FREM1: variants seen among roughly 807,000 people sequenced by gnomAD.
The protein encoded by FREM1 is FRAS1-related extracellular matrix protein 1.
A neutral mutation model predicts 210.1 loss-of-function variants in FREM1; 220 were observed. The observed-to-expected ratio is 1.05, with a 90% CI of 0.94 to 1.17. The LOEUF (loss-of-function observed/expected upper bound fraction) is 1.17. Ranked by LOEUF, FREM1 falls within the 50% of genes most tolerant of loss-of-function variation. The probability of loss-of-function intolerance (pLI) is 0.00; values close to 1 mark genes in which losing one functional copy is unlikely to be tolerated. For missense variants in FREM1, 3,454 were observed against 2,675.5 expected, an observed-to-expected ratio of 1.29 and a Z score of -6.42; for synonymous variants, 1,189 against 980.2, an observed-to-expected ratio of 1.21 and a Z score of -3.98.
chr9:14,796,264 A>C (rs150708454), intron 21 of FREM1, among the ~76,000 whole-genome samples: 14 of 152,208 alleles, frequency 9.2e-5, no homozygotes, highest in African/African-American at 3.4e-4. Flanking sequence ...CCCTGATAAA[A>C]ACCCAGACTA....
At chr9:14,824,199 G>T in intron 11 of FREM1, 84 bp from the exon 12 acceptor site, 3 of 808,054 alleles carry the variant, frequency 3.7e-6, no homozygotes, top group South Asian at 1.6e-5. Context: ...AAAACTGAAA[G>T]ACTTCATTGT....
intron 3 of FREM1, among the ~76,000 whole-genome samples, chr9:14,860,553 A>ATATGTG (rs1829640233): frequency 2.6e-5 from 3 of 117,644 alleles, no homozygotes; most frequent in African/African-American, 1.2e-4. Flanking sequence ...ACACATATAT[A>ATATGTG]TACACACATA....
intron 26 of FREM1, 108 bp from the exon 27 acceptor site, chr9:14,769,976 T>G: frequency 1.8e-6 from 1 of 565,606 alleles, no homozygotes; most frequent in Non-Finnish European, 3.0e-6. Context: ...AAAAAACAGC[T>G]AAAGTACATT....
intron 19 of FREM1, among the ~76,000 whole-genome samples, chr9:14,803,978 G>T (rs1348431196): frequency 1.3e-5 from 2 of 152,072 alleles, no homozygotes; most frequent in East Asian, 1.9e-4. Context: ...ACGTGTGGTT[G>T]TTTCTTGCAG....
At chr9:14,887,279 A>G (rs1429427693) in intron 1 of FREM1, among the ~76,000 whole-genome samples, 1 of 152,176 alleles carries the variant, frequency 6.6e-6, no homozygotes, top group African/African-American at 2.4e-5. Context: ...CTGAGGTTAT[A>G]TAGGCAATAA....
intron 29 of FREM1, among the ~76,000 whole-genome samples, chr9:14,755,830 T>G (rs1442159636): frequency 6.6e-6 from 1 of 152,220 alleles, no homozygotes; most frequent in African/African-American, 2.4e-5. Flanking sequence ...TGGAACACAC[T>G]TGAGAGCAAG....
intron 1 of FREM1, among the ~76,000 whole-genome samples, chr9:14,876,187 G>T (rs1283718714): frequency 6.6e-6 from 1 of 152,128 alleles, no homozygotes; most frequent in Non-Finnish European, 1.5e-5. Context: ...CGTGCTGGGA[G>T]AACCACTGCT....
intron 9 of FREM1, 86 bp downstream of exon 9, chr9:14,842,230 A>G: frequency 1.2e-6 from 1 of 843,392 alleles, no homozygotes; most frequent in Non-Finnish European, 1.9e-6. Context: ...CTCGGACACA[A>G]TTTCAGCAAA....
Position 14,851,533 on chromosome 9 carries a change from G to A in FREM1, c.903C>T (p.Ala301=), listed in dbSNP as rs752192940. 65 of 1,613,754 alleles carry A rather than the reference G, an allele frequency of 4.0e-5. No homozygotes were observed. Among genetic ancestry groups the A allele is most frequent in the Middle Eastern group, 1.6e-4 (1 of 6,084 alleles). The part of the protein sequence containing the change: ...PNQIPKAAFM[A]VFILEVDQFI... ...ACTGATCCACTTCCAGAATAAACACGGCCATGAATGCAGCCTTTGGAATCT... is the reference window on the plus strand; with the variant it reads ...ACTGATCCACTTCCAGAATAAACACAGCCATGAATGCAGCCTTTGGAATCT... Residue 301 remains alanine, a synonymous_variant, in exon 6 of 37, where the codon GCC becomes GCT. Coordinates refer to ENST00000380880, the MANE Select transcript of FREM1 (RefSeq NM_001379081.2).
intron 6 of FREM1, 102 bp from the exon 7 acceptor site, chr9:14,848,875 C>T (rs12339383): frequency 0.029 from 16,770 of 575,222 alleles, 332 homozygotes; most frequent in Non-Finnish European, 0.037. Flanking sequence ...CAGTTTTCTG[C>T]GGGGATTCAC....
At chr9:14,750,084 G>A (rs374899393) in intron 30 of FREM1, 43 bp downstream of exon 30, 75 of 1,605,514 alleles carry the variant, frequency 4.7e-5, no homozygotes, top group Middle Eastern at 1.7e-4. Flanking sequence ...GAGCTACAGC[G>A]CCAGGACCGC....
In FREM1 at chr9:14,747,443, C is replaced by A. The variant is rs201339865; in HGVS notation, c.5845-15G>T. The A allele has an allele frequency of 5.0e-6, 8 of 1,605,824 alleles. No homozygotes were observed. Among genetic ancestry groups the A allele is most frequent in the Middle Eastern group, 3.3e-4 (2 of 6,028 alleles). On this transcript the variant is annotated splice_polypyrimidine_tract_variant and intron_variant, in intron 32 of 36. Coordinates refer to ENST00000380880, the MANE Select transcript of FREM1 (RefSeq NM_001379081.2). ...ATCCCATGATACTTGAGGAAACCAACAATCAACAACAATAAGGAAAAAACA... is the reference window on the plus strand; with the variant it reads ...ATCCCATGATACTTGAGGAAACCAAAAATCAACAACAATAAGGAAAAAACA...
chr9:14,785,292 T>C (rs767064546), intron 23 of FREM1, among the ~76,000 whole-genome samples: 2 of 152,222 alleles, frequency 1.3e-5, no homozygotes, highest in East Asian at 1.9e-4. Flanking sequence ...ACAACACAGA[T>C]GTAGTTTATT....
rs1000921059 is a variant in FREM1 at position 14,909,977 on chromosome 9, G to A, written c.-331C>T. On this transcript the variant is annotated 5_prime_UTR_variant, in exon 1 of 37. Coordinates refer to ENST00000380880, the MANE Select transcript of FREM1 (RefSeq NM_001379081.2). ...CCCTTGGAACTGGCGGGCAGGATAA[G>A]AGTCACTGACACAGCAATCTGGTTT... 5 of 152,210 alleles carry A rather than the reference G, an allele frequency of 3.3e-5. No homozygotes were observed. Among genetic ancestry groups the A allele is most frequent in the African/African-American group, 1.2e-4 (5 of 41,454 alleles). 9.4% of individuals were successfully genotyped at this position (152,210 alleles called of 1,614,324 possible).
At chr9:14,773,209 GAGA>G (rs1293063330) in intron 25 of FREM1, among the ~76,000 whole-genome samples, 1 of 152,182 alleles carries the variant, frequency 6.6e-6, no homozygotes, top group East Asian at 1.9e-4. Flanking sequence ...CCCTTTAAAG[GAGA>G]AGTACAGGTT....
chr9:14,835,542 A>C (rs1028662890), intron 10 of FREM1, among the ~76,000 whole-genome samples: 4 of 152,216 alleles, frequency 2.6e-5, no homozygotes, highest in African/African-American at 9.6e-5. Context: ...TACAGTTCCT[A>C]ACCTGTGGTC....
chr9:14,815,043 T>G (rs144829619), intron 15 of FREM1, among the ~76,000 whole-genome samples: 5 of 152,336 alleles, frequency 3.3e-5, no homozygotes, highest in African/African-American at 1.2e-4. Context: ...GAAGCTGCAA[T>G]AACATACTGC....
At chr9:14,845,909 G>T in intron 8 of FREM1, 51 bp downstream of exon 8, 1 of 1,596,012 alleles carries the variant, frequency 6.3e-7, no homozygotes, top group South Asian at 1.1e-5. Context: ...ATCTACTTTT[G>T]AAGAAAATAC....
chr9:14,759,906 G>T lies in FREM1; in HGVS notation c.5205-5C>A, dbSNP rs769999328. 1.0e-5 allele frequency: 16 copies of T among 1,605,416 alleles called. No homozygotes were observed. Among genetic ancestry groups the T allele is most frequent in the Non-Finnish European group, 1.4e-5 (16 of 1,175,184 alleles). ...TGAGACCACTTCAGTTCCAAACTGT[G>T]TGTGAAAGGAAAAGAGAAATCATGA... On this transcript the variant is annotated splice_polypyrimidine_tract_variant and splice_region_variant and intron_variant, in intron 27 of 36. Coordinates refer to ENST00000380880, the MANE Select transcript of FREM1 (RefSeq NM_001379081.2).
Sources: gnomAD v4.1 joint callset for allele counts (sites outside exome capture counted in the v4.1 genomes callset) on GRCh38, gnomAD v4.1.1 for gene constraint, MANE v1.5 for transcripts, NCBI Gene and HGNC (gene_info 2026-07-23, HGNC 2026-07-21) for gene names.